Variants in KMT2C observed in about 807,000 individuals in gnomAD.
KMT2C encodes the protein histone-lysine N-methyltransferase 2C.
In KMT2C, 88 loss-of-function variants were observed where a neutral mutation model predicts 507.9. That is an observed-to-expected ratio of 0.17 (90% confidence interval 0.15 to 0.21). KMT2C has a LOEUF of 0.21. KMT2C is among the 10% of genes least tolerant of loss of function. The probability of loss-of-function intolerance (pLI) is 1.00; values close to 1 mark genes in which losing one functional copy is unlikely to be tolerated. For synonymous variants in KMT2C, 2,049 were observed against 2,080.8 expected (o/e 0.98, Z 0.42); for missense variants, 4,954 against 5,957.8 (o/e 0.83, Z 5.55).
At chr7:152,266,132 A>G (rs967991708) in intron 7 of KMT2C, among the ~76,000 whole-genome samples, 7 of 152,220 alleles carry the variant, frequency 4.6e-5, no homozygotes, top group Admixed American at 2.0e-4. Context: ...ATTCCTATCT[A>G]CTATTCTGAC....
At chr7:152,151,037 C>T (rs768272836) in intron 50 of KMT2C, 30 bp from the exon 51 acceptor site, 1 of 1,322,570 alleles carries the variant, frequency 7.6e-7, no homozygotes, top group South Asian at 1.2e-5. Context: ...GTGTGGGAAT[C>T]TCAACAAGTC....
chr7:152,164,510 C>T (rs796272189), intron 42 of KMT2C, among the ~76,000 whole-genome samples: 5 of 151,948 alleles, frequency 3.3e-5, no homozygotes, highest in African/African-American at 7.2e-5. Context: ...AGGATGGTCT[C>T]GATCTCCTGA....
chr7:152,170,614 T>C (rs2092920990), intron 40 of KMT2C, among the ~76,000 whole-genome samples: 1 of 152,200 alleles, frequency 6.6e-6, no homozygotes, highest in African/African-American at 2.4e-5. Flanking sequence ...GCGATTCTCC[T>C]GCCTCAGTCT....
intron 2 of KMT2C, among the ~76,000 whole-genome samples, chr7:152,357,937 T>C (rs1307031528): frequency 2.0e-5 from 3 of 152,230 alleles, no homozygotes; most frequent in African/African-American, 7.2e-5. Context: ...TATCACTGTG[T>C]CTAAACTTTA....
Position 152,158,994 on chromosome 7 carries a change from T to G in KMT2C, c.11539A>C (p.Lys3847Gln), listed in dbSNP as rs985042375. The stretch of plus-strand genomic sequence containing the variant: ...TGAGTCCGTTTGCTTCGCTGTTTCT[T>G]GGTTTCACTTCCTCCATCTGTTTTT... ...LPKTDGGSET[K>Q]KQRSKRTQRT... is the part of the protein sequence containing the mutation. The change falls in exon 44 of 59, where the codon AAG (lysine) becomes CAG (glutamine). Residue 3847 changes from lysine to glutamine, a missense_variant. This residue lies in a region of KMT2C where 801 missense variants were observed against 751.2 expected (regional missense o/e 1.07). Coordinates refer to ENST00000262189, the MANE Select transcript of KMT2C (RefSeq NM_170606.3). 6.2e-7 allele frequency: 1 copy of G among 1,614,248 alleles called. No homozygotes were observed.
intron 1 of KMT2C, among the ~76,000 whole-genome samples, chr7:152,425,136 C>T (rs1589963232): frequency 1.3e-5 from 2 of 152,190 alleles, no homozygotes; most frequent in East Asian, 3.8e-4. Flanking sequence ...GTAAAAGTAA[C>T]ACCTTAATAT....
chr7:152,396,777 G>A (rs1449599989), intron 1 of KMT2C, among the ~76,000 whole-genome samples: 1 of 152,184 alleles, frequency 6.6e-6, no homozygotes, highest in Non-Finnish European at 1.5e-5. Context: ...CAGGAAAAAG[G>A]CATACTCTGT....
Position 152,180,007 on chromosome 7 carries a change from C to G in KMT2C, c.7269G>C (p.Trp2423Cys), listed in dbSNP as rs903377865. 1.2e-6 allele frequency: 2 copies of G among 1,613,998 alleles called. No individual in the cohort carries two copies. The highest frequency in any genetic ancestry group is 2.7e-5 in the African/African-American group (2 of 74,894). ...AAGCCTGGTTAACATTCTCTGGTTG[C>G]CAGTGTTGAAGAGGCCCTGGATGAG... ...AVPHPGPLQH[W>C]QPENVNQAFT... Residue 2423 changes from tryptophan (W) to cysteine (C), a missense_variant, in exon 37 of 59, where the codon TGG becomes TGC. Trp to Cys is a radical substitution (Grantham distance 215, BLOSUM62 -2). This residue lies in a region of KMT2C where 1,689 missense variants were observed against 1,654.3 expected (regional missense o/e 1.02). Transcript: ENST00000262189.
intron 1 of KMT2C, among the ~76,000 whole-genome samples, chr7:152,408,699 G>A (rs74778503): frequency 6.7e-6 from 1 of 150,054 alleles, no homozygotes; most frequent in African/African-American, 2.5e-5. Context: ...AGTTTCACCC[G>A]AAAACCATCC....
At chr7:152,193,000 C>A (rs562011479) in intron 31 of KMT2C, among the ~76,000 whole-genome samples, 3 of 152,110 alleles carry the variant, frequency 2.0e-5, no homozygotes, top group East Asian at 1.9e-4. Context: ...AAAGTGAGAC[C>A]CCCACCTCTG....
At chr7:152,205,726 C>T (rs1371114307) in intron 24 of KMT2C, among the ~76,000 whole-genome samples, 1 of 152,102 alleles carries the variant, frequency 6.6e-6, no homozygotes, top group African/African-American at 2.4e-5. Flanking sequence ...TTTAGCGTAC[C>T]ATACAGCCTA....
intron 2 of KMT2C, among the ~76,000 whole-genome samples, chr7:152,333,912 CCTGT>C (rs754299127): frequency 6.6e-6 from 1 of 151,998 alleles, no homozygotes; most frequent in African/African-American, 2.4e-5. Flanking sequence ...ATCAAGGTGT[CCTGT>C]CTATCCCGAG....
At chr7:152,372,538 G>A (rs1440523843) in intron 1 of KMT2C, among the ~76,000 whole-genome samples, 1 of 152,152 alleles carries the variant, frequency 6.6e-6, no homozygotes, top group African/African-American at 2.4e-5. Flanking sequence ...GGCTGAAAGT[G>A]AAGAGATGGA....
At chr7:152,228,500 A>G (rs2095002780) in intron 18 of KMT2C, among the ~76,000 whole-genome samples, 1 of 152,228 alleles carries the variant, frequency 6.6e-6, no homozygotes, top group South Asian at 2.1e-4. Context: ...AAACAGTGTC[A>G]TCGTGCAAAA....
chr7:152,298,016 C>T (rs886990548), intron 6 of KMT2C, among the ~76,000 whole-genome samples: 6 of 151,782 alleles, frequency 4.0e-5, no homozygotes, highest in African/African-American at 1.5e-4. Context: ...ATGAAAATTA[C>T]ATTGGATGAA....
intron 2 of KMT2C, among the ~76,000 whole-genome samples, chr7:152,348,668 C>T (rs547339014): frequency 6.8e-6 from 1 of 147,584 alleles, no homozygotes; most frequent in South Asian, 2.2e-4. Flanking sequence ...AGACACCTCA[C>T]CAATAAACAT....
chr7:152,395,302 G>T (rs1022001455), intron 1 of KMT2C, among the ~76,000 whole-genome samples: 1 of 151,086 alleles, frequency 6.6e-6, no homozygotes, highest in East Asian at 2.0e-4. Flanking sequence ...CTCCCATCTC[G>T]ACTCCTGAGT....
At position 152,196,763 on chromosome 7, in the gene KMT2C, G is replaced by A. The variant is rs571630997; in HGVS notation, c.4274-752C>T. On this transcript the variant is annotated intron_variant, in intron 27 of 58. Transcript: ENST00000262189. ...TGGTCTATGAAGACCTTTAGGAGATGACTGAGCATAAAACTAAATGAGGGA... is the reference window on the plus strand; with the variant it reads ...TGGTCTATGAAGACCTTTAGGAGATAACTGAGCATAAAACTAAATGAGGGA... Among the ~76,000 whole-genome samples the A allele has an allele frequency of 1.4e-4, 21 of 152,280 alleles. No homozygotes were observed. In the South Asian group the frequency reaches 1.9e-3, roughly 14 times the overall value.
At chr7:152,153,091 TAAAG>T (rs548159396) in intron 48 of KMT2C, 137 bp from the exon 49 acceptor site, 195 of 1,158,580 alleles carry the variant, frequency 1.7e-4, no homozygotes, top group South Asian at 1.3e-3. Context: ...TATTTAGACT[TAAAG>T]AACCTCAGGA....
Sources: allele counts gnomAD v4.1 joint callset (sites outside exome capture counted in the v4.1 genomes callset), GRCh38; gene constraint gnomAD v4.1.1; regional missense constraint gnomAD v4.1.1; transcripts MANE v1.5; gene names NCBI Gene and HGNC (gene_info 2026-07-23, HGNC 2026-07-21).